TNPO1: variants seen among roughly 807,000 people sequenced by gnomAD.
TNPO1 encodes the protein transportin-1.
TNPO1 carries 8 observed loss-of-function variants against 119.5 expected under a neutral mutation model. That is an observed-to-expected ratio of 0.07 (90% CI 0.04 to 0.12). TNPO1 has a LOEUF of 0.12. Ranked by LOEUF, TNPO1 falls within the 10% of genes least tolerant of loss-of-function variation. TNPO1 has a pLI of 1.00. For missense variants in TNPO1, 576 were observed against 1,089.8 expected, an observed-to-expected ratio of 0.53 and a Z score of 6.64; for synonymous variants, 362 against 363.0, an observed-to-expected ratio of 1.00 and a Z score of 0.03.
intron 7 of TNPO1, 122 bp downstream of exon 7, chr5:72,872,842 A>G (rs2112369312): frequency 1.9e-6 from 1 of 528,534 alleles, no homozygotes. Context: ...TAAACTCAAT[A>G]TTTAATTAAA....
intron 3 of TNPO1, among the ~76,000 whole-genome samples, 158 bp from the exon 4 acceptor site, chr5:72,855,614 GAT>G (rs1400631208): frequency 6.6e-6 from 1 of 152,158 alleles, no homozygotes; most frequent in African/African-American, 2.4e-5. Flanking sequence ...AGCTATAAAT[GAT>G]AGAGCTAATC....
chr5:72,817,471 A>G (rs1180390493), intron 1 of TNPO1, among the ~76,000 whole-genome samples: 2 of 152,228 alleles, frequency 1.3e-5, no homozygotes, highest in African/African-American at 4.8e-5. Flanking sequence ...TTCTTTAAAA[A>G]TGATCGCGTG....
intron 14 of TNPO1, among the ~76,000 whole-genome samples, chr5:72,890,712 C>T (rs1357941579): frequency 2.0e-5 from 3 of 152,012 alleles, no homozygotes; most frequent in African/African-American, 7.3e-5. Context: ...TATGTTTAGT[C>T]GTTTTATGGA....
chr5:72,823,007 C>T (rs564728725), intron 1 of TNPO1, among the ~76,000 whole-genome samples: 15 of 139,842 alleles, frequency 1.1e-4, no homozygotes, highest in Non-Finnish European at 2.3e-4. Context: ...CTCAACTTTT[C>T]ATACCCTTCT....
At chr5:72,853,859 C>A (rs551219029) in intron 3 of TNPO1, among the ~76,000 whole-genome samples, 1 of 152,288 alleles carries the variant, frequency 6.6e-6, no homozygotes, top group Non-Finnish European at 1.5e-5. Context: ...ATCAGCTGCT[C>A]TAATTATCTC....
chr5:72,865,508 T>A (rs998087252), intron 5 of TNPO1, 88 bp from the exon 6 acceptor site: 3 of 1,398,388 alleles, frequency 2.1e-6, no homozygotes, highest in Non-Finnish European at 3.0e-6. Context: ...AGAACATTAG[T>A]CCATACAAAT....
chr5:72,867,938 T>G (rs956633095), intron 6 of TNPO1, among the ~76,000 whole-genome samples: 1 of 152,220 alleles, frequency 6.6e-6, no homozygotes, highest in African/African-American at 2.4e-5. Context: ...GATAATACTT[T>G]GCTATCATTA....
At chr5:72,894,238 A>G (rs1749259960) in intron 18 of TNPO1, among the ~76,000 whole-genome samples, 1 of 151,976 alleles carries the variant, frequency 6.6e-6, no homozygotes, top group Non-Finnish European at 1.5e-5. Flanking sequence ...AGACTAGCAT[A>G]GCATTTGTCT....
intron 1 of TNPO1, among the ~76,000 whole-genome samples, chr5:72,846,777 G>T (rs757147280): frequency 3.2e-4 from 48 of 152,134 alleles, no homozygotes; most frequent in South Asian, 6.2e-4. Flanking sequence ...TCCATCTATG[G>T]ATCATATGCT....
At chr5:72,882,652 A>G in intron 10 of TNPO1, 125 bp downstream of exon 10, 1 of 629,524 alleles carries the variant, frequency 1.6e-6, no homozygotes, top group Non-Finnish European at 2.7e-6. Context: ...TATTATCCAT[A>G]ATAGGATAGA....
intron 5 of TNPO1, among the ~76,000 whole-genome samples, chr5:72,863,244 G>A (rs1041330790): frequency 2.0e-4 from 31 of 151,998 alleles, no homozygotes; most frequent in Admixed American, 9.2e-4. Flanking sequence ...CTCAAAGAGC[G>A]GAGGTTGAAG....
intron 5 of TNPO1, among the ~76,000 whole-genome samples, chr5:72,862,905 C>T (rs1206900279): frequency 1.3e-5 from 2 of 152,104 alleles, no homozygotes; most frequent in African/African-American, 2.4e-5. Context: ...GTCTCAACCT[C>T]CCAAAGTGTT....
chr5:72,862,804 C>T (rs1746560586), intron 5 of TNPO1, among the ~76,000 whole-genome samples: 1 of 152,060 alleles, frequency 6.6e-6, no homozygotes, highest in African/African-American at 2.4e-5. Context: ...AGCCACCACG[C>T]CCGCCTAATT....
intron 1 of TNPO1, among the ~76,000 whole-genome samples, chr5:72,825,548 G>A (rs138984476): frequency 2.0e-5 from 3 of 152,272 alleles, no homozygotes; most frequent in South Asian, 4.1e-4. Context: ...TTAGCCGGGC[G>A]TGGTGGCACG....
chr5:72,896,150 C>A (rs182477414), intron 18 of TNPO1, among the ~76,000 whole-genome samples: 1 of 151,974 alleles, frequency 6.6e-6, no homozygotes, highest in African/African-American at 2.4e-5. Context: ...CTGACCAACT[C>A]TTTTTAGTGG....
Position 72,819,662 on chromosome 5 carries a change from A to G in TNPO1, c.15+2910A>G, listed in dbSNP as rs568393557. Among the ~76,000 whole-genome samples the G allele has an allele frequency of 1.8e-4, 28 of 152,342 alleles. No individual in the cohort carries two copies. The South Asian group carries it at 5.4e-3, about 29-fold the overall frequency. Reference sequence around the variant, plus strand: ...AAAAAGCTGATAACCGTGAGACCATAAAGTTGGGATTGATATATGCCTTTT... The same window carrying G: ...AAAAAGCTGATAACCGTGAGACCATGAAGTTGGGATTGATATATGCCTTTT... On this transcript the variant is annotated intron_variant, in intron 1 of 24. Transcript: ENST00000337273.
chr5:72,874,638 A>G (rs1304006423), intron 7 of TNPO1, among the ~76,000 whole-genome samples: 1 of 152,198 alleles, frequency 6.6e-6, no homozygotes, highest in African/African-American at 2.4e-5. Context: ...ACTTGGGGAA[A>G]TCAACATTTT....
intron 23 of TNPO1, among the ~76,000 whole-genome samples, chr5:72,904,506 T>C (rs1750000247): frequency 6.6e-6 from 1 of 152,132 alleles, no homozygotes; most frequent in Non-Finnish European, 1.5e-5. Flanking sequence ...GATAAAGATA[T>C]GCCCAAGGGC....
chr5:72,880,881 A>G (rs554199846), intron 9 of TNPO1, among the ~76,000 whole-genome samples: 8 of 151,938 alleles, frequency 5.3e-5, no homozygotes, highest in Non-Finnish European at 8.8e-5. Context: ...AATCTTCACA[A>G]TTAGACCTGC....
Sources: allele counts gnomAD v4.1 joint callset (sites outside exome capture counted in the v4.1 genomes callset), GRCh38; gene constraint gnomAD v4.1.1; transcripts MANE v1.5; gene names NCBI Gene and HGNC (gene_info 2026-07-23, HGNC 2026-07-21).